DLC1: variants seen among roughly 807,000 people sequenced by gnomAD.
DLC1 encodes the protein rho GTPase-activating protein 7.
A neutral mutation model predicts 140.3 loss-of-function variants in DLC1; 54 were observed. The observed-to-expected ratio is 0.38, with a 90% confidence interval of 0.31 to 0.48. The LOEUF (loss-of-function observed/expected upper bound fraction) is 0.48, where lower values mean the gene tolerates loss of function less well. Ranked by LOEUF, DLC1 falls within the 20% of genes least tolerant of loss-of-function variation. The pLI, the probability that DLC1 is intolerant of heterozygous loss-of-function variation, is 0.96. For missense variants in DLC1, 2,536 were observed against 1,907.0 expected, an observed-to-expected ratio of 1.33 and a Z score of -6.14; for synonymous variants, 986 against 728.1, an observed-to-expected ratio of 1.35 and a Z score of -5.70.
intron 1 of DLC1, among the ~76,000 whole-genome samples, chr8:13,595,352 C>T (rs1470621627): frequency 6.6e-6 from 1 of 151,994 alleles, no homozygotes; most frequent in Non-Finnish European, 1.5e-5. Flanking sequence ...GTCTTACCAA[C>T]ATCAGTGAGT....
intron 3 of DLC1, among the ~76,000 whole-genome samples, chr8:13,395,211 C>T (rs962724040): frequency 9.2e-5 from 14 of 151,636 alleles, no homozygotes; most frequent in Admixed American, 2.6e-4. Flanking sequence ...GCCTCCACCT[C>T]CTGAGTTCAT....
chr8:13,421,442 C>A (rs1464418483), intron 2 of DLC1, among the ~76,000 whole-genome samples: 1 of 152,090 alleles, frequency 6.6e-6, no homozygotes, highest in Non-Finnish European at 1.5e-5. Context: ...ATCTGGCAAT[C>A]TCTAAAAGTC....
At chr8:13,533,871 C>T (rs979621593) in intron 1 of DLC1, among the ~76,000 whole-genome samples, 2 of 152,168 alleles carry the variant, frequency 1.3e-5, no homozygotes, top group African/African-American at 4.8e-5. Flanking sequence ...CTCTTTCCCA[C>T]TGCCTTGTGA....
intron 1 of DLC1, among the ~76,000 whole-genome samples, chr8:13,513,481 AAC>A (rs1337767886): frequency 6.6e-6 from 1 of 152,072 alleles, no homozygotes; most frequent in Non-Finnish European, 1.5e-5. Context: ...TTATAATGAA[AAC>A]AGTTACTTCA....
chr8:13,319,356 C>T (rs1451980893), intron 4 of DLC1, among the ~76,000 whole-genome samples: 2 of 151,882 alleles, frequency 1.3e-5, no homozygotes, highest in Admixed American at 1.3e-4. Context: ...CTCTCCACAA[C>T]TTTTCCATTA....
intron 5 of DLC1, among the ~76,000 whole-genome samples, chr8:13,169,251 A>G (rs1825302367): frequency 6.6e-6 from 1 of 152,168 alleles, no homozygotes; most frequent in Admixed American, 6.5e-5. Flanking sequence ...TACTATCCTG[A>G]ATGTAATACT....
At chr8:13,207,229 T>C (rs1377481328) in intron 5 of DLC1, among the ~76,000 whole-genome samples, 1 of 152,170 alleles carries the variant, frequency 6.6e-6, no homozygotes, top group African/African-American at 2.4e-5. Flanking sequence ...AAATTACGTA[T>C]TCAAAATATA....
rs561594723 is a variant in DLC1, at chr8:13,445,224, T to C, written c.1024-43605A>G. Among the ~76,000 whole-genome samples, 31 of 152,324 alleles carry C rather than the reference T, an allele frequency of 2.0e-4. No homozygotes were observed. The South Asian group carries it at 6.0e-3, about 29-fold the overall frequency. On this transcript the variant is annotated intron_variant, in intron 2 of 17. Transcript: ENST00000276297. ...TGCATGCTCTTGGTGTCTCAATTTC[T>C]GTTCAAAAGTCAGTGGGCAGTTGGC...
At chr8:13,295,938 CTTTGTT>C (rs1180662464) in intron 5 of DLC1, among the ~76,000 whole-genome samples, 3 of 53,340 alleles carry the variant, frequency 5.6e-5, no homozygotes, top group African/African-American at 1.4e-4. Flanking sequence ...AGATAAGATT[CTTTGTT>C]TTTTTTTTTT....
intron 3 of DLC1, among the ~76,000 whole-genome samples, chr8:13,394,691 A>G (rs1836935778): frequency 6.6e-6 from 1 of 152,164 alleles, no homozygotes; most frequent in Non-Finnish European, 1.5e-5. Context: ...ATGGTCAAAT[A>G]TCATGTCCCG....
At chr8:13,574,821 T>C (rs886179683) in intron 1 of DLC1, among the ~76,000 whole-genome samples, 7 of 152,066 alleles carry the variant, frequency 4.6e-5, no homozygotes, top group African/African-American at 1.7e-4. Flanking sequence ...CTCAGAACTG[T>C]TTAGGAATGT....
chr8:13,493,000 A>G (rs1801332641), intron 2 of DLC1, among the ~76,000 whole-genome samples: 1 of 152,172 alleles, frequency 6.6e-6, no homozygotes, highest in African/African-American at 2.4e-5. Flanking sequence ...GGGACACAAA[A>G]CTCACTAAGA....
intron 5 of DLC1, among the ~76,000 whole-genome samples, chr8:13,220,607 G>A (rs991124089): frequency 6.6e-5 from 10 of 152,096 alleles, no homozygotes; most frequent in African/African-American, 2.4e-4. Flanking sequence ...AAAAGAAGCA[G>A]ACACTCCTTG....
At chr8:13,496,220 T>A (rs930332537) in intron 2 of DLC1, among the ~76,000 whole-genome samples, 1 of 152,210 alleles carries the variant, frequency 6.6e-6, no homozygotes, top group Non-Finnish European at 1.5e-5. Flanking sequence ...TCAACTAGAT[T>A]AGAACTCTTG....
Position 13,388,185 on chromosome 8 carries a change from T to C in DLC1, c.1314+5368A>G, listed in dbSNP as rs190857659. ...TGTCGTACTCCCAATCAGACTGTCT[T>C]AGACATCTTTAATAAATAACACTCC... On this transcript the variant is annotated intron_variant, in intron 4 of 17. Transcript: ENST00000276297. Among the ~76,000 whole-genome samples, 291 of 152,152 alleles carry C rather than the reference T, an allele frequency of 1.9e-3. 1 individual carries two copies. The highest frequency in any genetic ancestry group is 2.6e-3 in the Non-Finnish European group (178 of 67,916).
chr8:13,192,060 G>C (rs1253477944), intron 5 of DLC1, among the ~76,000 whole-genome samples: 1 of 151,738 alleles, frequency 6.6e-6, no homozygotes, highest in Non-Finnish European at 1.5e-5. Flanking sequence ...TCCTGCCTCA[G>C]CCTCCCAAGT....
chr8:13,158,763 C>G (rs1481618757), intron 5 of DLC1, among the ~76,000 whole-genome samples: 2 of 140,812 alleles, frequency 1.4e-5, no homozygotes, highest in Non-Finnish European at 3.0e-5. Flanking sequence ...CCACACATCT[C>G]TCCTCTTTTT....
chr8:13,132,205 C>CTCTGTGTG (rs1822158116), intron 5 of DLC1, among the ~76,000 whole-genome samples: 1 of 139,114 alleles, frequency 7.2e-6, no homozygotes, highest in African/African-American at 2.8e-5. Context: ...AAAACCAAAA[C>CTCTGTGTG]TGTGTGTGTG....
At chr8:13,516,239 A>C (rs528338003), upstream of DLC1, among the ~76,000 whole-genome samples, 1 of 152,228 alleles carries the variant, frequency 6.6e-6, no homozygotes, top group Non-Finnish European at 1.5e-5. Context: ...GCTTTCAATA[A>C]TAGGAAGTGC....
Sources: gnomAD v4.1 joint callset for allele counts (sites outside exome capture counted in the v4.1 genomes callset) on GRCh38, gnomAD v4.1.1 for gene constraint, MANE v1.5 for transcripts, NCBI Gene and HGNC (gene_info 2026-07-23, HGNC 2026-07-21) for gene names.